The following CHST9 variants were observed in gnomAD, a reference collection of about 807,000 sequenced individuals.
CHST9 encodes the protein carbohydrate sulfotransferase 9, also known as GalNAc-4-sulfotransferase 2.
CHST9 carries 41 observed loss-of-function variants against 44.4 expected under a neutral mutation model. The observed-to-expected ratio is 0.92, with a 90% CI of 0.72 to 1.20. CHST9 has a LOEUF of 1.20. Ranked by LOEUF, CHST9 falls within the 50% of genes most tolerant of loss-of-function variation. The pLI, the probability that CHST9 is intolerant of heterozygous loss-of-function variation, is 0.00. For synonymous variants in CHST9, 171 were observed against 178.4 expected (o/e 0.96, Z 0.33); for missense variants, 504 against 516.5 (o/e 0.98, Z 0.23).
At chr18:27,018,662 A>T (rs1042300742) in intron 4 of CHST9, among the ~76,000 whole-genome samples, 4 of 152,138 alleles carry the variant, frequency 2.6e-5, no homozygotes, top group African/African-American at 9.7e-5. Flanking sequence ...ATTTTAAAAA[A>T]TATCATCATG....
intron 1 of CHST9, among the ~76,000 whole-genome samples, chr18:27,151,749 C>A (rs895482876): frequency 6.6e-6 from 1 of 152,100 alleles, no homozygotes. Flanking sequence ...TGGCCTCTAG[C>A]AGCTAAAAAA....
intron 2 of CHST9, among the ~76,000 whole-genome samples, chr18:27,078,268 A>G (rs1487431239): frequency 2.0e-5 from 3 of 152,204 alleles, no homozygotes; most frequent in Non-Finnish European, 2.9e-5. Context: ...AGTGAAGCCC[A>G]TCTATTCCCA....
intron 4 of CHST9, among the ~76,000 whole-genome samples, chr18:27,020,828 G>C (rs2057217144): frequency 6.6e-6 from 1 of 152,118 alleles, no homozygotes; most frequent in Non-Finnish European, 1.5e-5. Flanking sequence ...ATAGATCTTG[G>C]CAGCTCTCTC....
At chr18:26,923,082 C>T (rs887488376) in intron 5 of CHST9, among the ~76,000 whole-genome samples, 14 of 152,156 alleles carry the variant, frequency 9.2e-5, no homozygotes, top group Non-Finnish European at 1.9e-4. Flanking sequence ...GTGCTGGATG[C>T]CAGAGATGGT....
At chr18:26,957,303 A>C (rs894436286) in intron 4 of CHST9, among the ~76,000 whole-genome samples, 1 of 152,134 alleles carries the variant, frequency 6.6e-6, no homozygotes, top group Non-Finnish European at 1.5e-5. Context: ...GTCAAACCTC[A>C]GTTTCTTTGT....
intron 4 of CHST9, among the ~76,000 whole-genome samples, chr18:26,945,152 A>G (rs2056143772): frequency 6.6e-6 from 1 of 152,184 alleles, no homozygotes; most frequent in African/African-American, 2.4e-5. Flanking sequence ...GTGTTTGTGA[A>G]CACCTTAGTG....
At position 27,090,070 on chromosome 18, in the gene CHST9, C is replaced by T. The variant is rs1405736161; in HGVS notation, c.122-41567G>A. ...TCTTGATCCTCCTGCCTCGGCCTCC[C>T]ACAGTGCTGGGATTACAGGCGTGAG... is the stretch of plus-strand genomic sequence containing the variant. On this transcript the variant is annotated intron_variant, in intron 2 of 5. Transcript: ENST00000618847. Among the ~76,000 whole-genome samples, 5 of 152,156 alleles carry T rather than the reference C, an allele frequency of 3.3e-5. No individual in the cohort carries two copies. In the East Asian group the frequency reaches 9.6e-4, roughly 29 times the overall value.
Position 27,107,714 on chromosome 18 carries a change from T to G in CHST9, c.121+34975A>C, listed in dbSNP as rs187928965. On this transcript the variant is annotated intron_variant, in intron 2 of 5. Coordinates refer to ENST00000618847, the MANE Select transcript of CHST9 (RefSeq NM_031422.6). Reference sequence around the variant, plus strand: ...GGCTACCACATCATCCTACAGGACATTCCACAGAGATAGCCACAACTTTTC... The same window carrying G: ...GGCTACCACATCATCCTACAGGACAGTCCACAGAGATAGCCACAACTTTTC... 6.8e-4 allele frequency among the ~76,000 whole-genome samples: 104 copies of G among 152,278 alleles called. 1 individual carries two copies. Among genetic ancestry groups the G allele is most frequent in the Middle Eastern group, 3.4e-3 (1 of 294 alleles).
intron 2 of CHST9, among the ~76,000 whole-genome samples, chr18:27,059,309 T>C (rs1034332926): frequency 6.6e-6 from 1 of 152,154 alleles, no homozygotes; most frequent in African/African-American, 2.4e-5. Flanking sequence ...AACTTTACCA[T>C]ATATTGTTAG....
At chr18:27,154,448 G>A (rs776243494) in intron 1 of CHST9, among the ~76,000 whole-genome samples, 4 of 152,026 alleles carry the variant, frequency 2.6e-5, no homozygotes, top group African/African-American at 4.8e-5. Flanking sequence ...CTGTGGACAA[G>A]AAGAATGAAT....
intron 2 of CHST9, among the ~76,000 whole-genome samples, chr18:27,133,993 A>T (rs1013260911): frequency 5.9e-5 from 9 of 152,248 alleles, no homozygotes; most frequent in African/African-American, 2.2e-4. Context: ...CTTTTTAAAG[A>T]AAAGCAATTT....
chr18:27,039,072 T>C (rs1598661398), intron 3 of CHST9, among the ~76,000 whole-genome samples: 1 of 152,256 alleles, frequency 6.6e-6, no homozygotes, highest in Middle Eastern at 3.4e-3. Flanking sequence ...AAGTAAATAA[T>C]GATGAAATCT....
intron 3 of CHST9, among the ~76,000 whole-genome samples, chr18:27,027,216 T>C (rs1330311189): frequency 6.6e-6 from 1 of 152,208 alleles, no homozygotes; most frequent in African/African-American, 2.4e-5. Context: ...CTTATCTAAC[T>C]GAGAATACAA....
At chr18:26,944,306 G>A in intron 5 of CHST9, 23 bp downstream of exon 5, 1 of 1,580,908 alleles carries the variant, frequency 6.3e-7, no homozygotes, top group Non-Finnish European at 8.7e-7. Context: ...CTATATTAGA[G>A]TTTACGAGAA....
At chr18:27,075,575 T>A (rs931905112) in intron 2 of CHST9, among the ~76,000 whole-genome samples, 2 of 152,220 alleles carry the variant, frequency 1.3e-5, no homozygotes, top group African/African-American at 4.8e-5. Context: ...CACAGTTTAT[T>A]GGATCATAAT....
rs142705641 is a variant in CHST9, at chr18:27,109,308, T to C, written c.121+33381A>G. Among the ~76,000 whole-genome samples the C allele has an allele frequency of 2.6e-4, 39 of 151,990 alleles. 1 individual carries two copies. The highest frequency in any genetic ancestry group is 1.6e-3 in the Admixed American group (24 of 15,262). ...TTTTTTTTTTCTCCCTGCAAACCCA[T>C]AGGACACAAGCTGTTGGTTCTTGGG... On this transcript the variant is annotated intron_variant, in intron 2 of 5. Coordinates refer to ENST00000618847, the MANE Select transcript of CHST9 (RefSeq NM_031422.6).
At chr18:26,923,448 T>C (rs2055700788) in intron 5 of CHST9, among the ~76,000 whole-genome samples, 1 of 152,242 alleles carries the variant, frequency 6.6e-6, no homozygotes, top group Admixed American at 6.5e-5. Context: ...CTTGCATTAA[T>C]AACATATGTT....
chr18:27,000,330 CTA>C (rs1253094183), intron 4 of CHST9, among the ~76,000 whole-genome samples: 1 of 152,188 alleles, frequency 6.6e-6, no homozygotes, highest in African/African-American at 2.4e-5. Context: ...CAAGAAAAAA[CTA>C]TAGACATAGA....
intron 4 of CHST9, among the ~76,000 whole-genome samples, chr18:27,011,489 G>A (rs2057084316): frequency 2.6e-5 from 4 of 152,152 alleles, no homozygotes; most frequent in Admixed American, 2.6e-4. Context: ...ACAGACAAGA[G>A]CAGCACCATG....
Sources: allele counts gnomAD v4.1 joint callset (sites outside exome capture counted in the v4.1 genomes callset), GRCh38; gene constraint gnomAD v4.1.1; transcripts MANE v1.5; gene names NCBI Gene and HGNC (gene_info 2026-07-23, HGNC 2026-07-21).